The following KCTD2 variants were observed in gnomAD, a reference collection of about 807,000 sequenced individuals.
KCTD2 encodes BTB/POZ domain-containing protein KCTD2.
In KCTD2, 18 loss-of-function variants were observed where a neutral mutation model predicts 27.9. The observed-to-expected ratio is 0.64, with a 90% CI of 0.45 to 0.96. KCTD2 has a LOEUF of 0.96. Among genes scored for constraint, KCTD2 ranks in the 40% least tolerant of loss-of-function variants. The probability of loss-of-function intolerance (pLI) is 0.00; values close to 1 mark genes in which losing one functional copy is unlikely to be tolerated. For synonymous variants in KCTD2, 175 were observed against 148.4 expected, an observed-to-expected ratio of 1.18 and a Z score of -1.30; for missense variants, 280 against 348.0, an observed-to-expected ratio of 0.80 and a Z score of 1.56.
intron 5 of KCTD2, 87 bp from the exon 6 acceptor site, chr17:75,062,931 C>T (rs1234291838): frequency 2.2e-6 from 3 of 1,389,438 alleles, no homozygotes; most frequent in African/African-American, 1.4e-5. Context: ...ACCATCATGC[C>T]ACTCATCGGG....
chr17:75,045,726 T>C (rs2073208320), upstream of KCTD2, among the ~76,000 whole-genome samples: 1 of 152,230 alleles, frequency 6.6e-6, no homozygotes. Flanking sequence ...CCACATTTCA[T>C]ATTGCTCAAA....
At chr17:75,047,867 C>T (rs1176398174) in intron 1 of KCTD2, among the ~76,000 whole-genome samples, 1 of 152,186 alleles carries the variant, frequency 6.6e-6, no homozygotes, top group Admixed American at 6.5e-5. Context: ...AGAACGCACT[C>T]CACACCCCTT....
At chr17:75,054,122 A>G (rs1481876821) in intron 3 of KCTD2, among the ~76,000 whole-genome samples, 1 of 151,374 alleles carries the variant, frequency 6.6e-6, no homozygotes, top group African/African-American at 2.4e-5. Context: ...GGCTCAGGTG[A>G]TTTTCCTACC....
chr17:75,049,819 A>G (rs1567991042), intron 2 of KCTD2, among the ~76,000 whole-genome samples: 1 of 152,150 alleles, frequency 6.6e-6, no homozygotes, highest in Admixed American at 6.6e-5. Context: ...TCTCTAGTTC[A>G]TTGTCAGGTG....
intron 3 of KCTD2, among the ~76,000 whole-genome samples, chr17:75,035,741 G>C (rs1413050496): frequency 6.6e-6 from 1 of 152,164 alleles, no homozygotes; most frequent in African/African-American, 2.4e-5. Context: ...GAGGCAGCAG[G>C]AGAATCGCTT....
At chr17:75,033,212 C>T (rs1307970938) in intron 1 of KCTD2, 1 of 152,056 alleles carries the variant, frequency 6.6e-6, no homozygotes, top group African/African-American at 2.4e-5. Flanking sequence ...CAAGCAATCC[C>T]CCCACCTCAC....
At chr17:75,037,187 A>G (rs1160550495) in intron 3 of KCTD2, among the ~76,000 whole-genome samples, 1 of 152,086 alleles carries the variant, frequency 6.6e-6, no homozygotes, top group Non-Finnish European at 1.5e-5. Context: ...TACTAAAAAT[A>G]CAAAAAATGA....
At chr17:75,058,174 C>T (rs976743663) in intron 3 of KCTD2, among the ~76,000 whole-genome samples, 3 of 151,472 alleles carry the variant, frequency 2.0e-5, no homozygotes, top group Non-Finnish European at 2.9e-5. Context: ...AAATACAAAA[C>T]TTAGCCAAGC....
At chr17:75,056,078 C>A (rs984547751) in intron 3 of KCTD2, among the ~76,000 whole-genome samples, 13 of 152,100 alleles carry the variant, frequency 8.5e-5, no homozygotes, top group African/African-American at 3.1e-4. Context: ...GGATGAATAA[C>A]TGACACTAAT....
intron 4 of KCTD2, chr17:75,060,509 A>G: frequency 1.9e-6 from 3 of 1,612,462 alleles, no homozygotes; most frequent in Non-Finnish European, 2.5e-6. Context: ...CAACAGCGCG[A>G]CAGCCAAGAC....
At chr17:75,039,349 C>T (rs1598684816) in intron 3 of KCTD2, 1 of 1,275,766 alleles carries the variant, frequency 7.8e-7, no homozygotes, top group Non-Finnish European at 1.1e-6. Flanking sequence ...GGAGTCGTCC[C>T]AGCCCACTCC....
upstream of KCTD2, among the ~76,000 whole-genome samples, chr17:75,045,251 T>C (rs940047855): frequency 1.3e-5 from 2 of 152,020 alleles, no homozygotes; most frequent in African/African-American, 4.8e-5. Context: ...GGTAATAGAA[T>C]ATCACAAGGC....
At chr17:75,060,735 G>A in intron 4 of KCTD2, 2 of 740,316 alleles carry the variant, frequency 2.7e-6, no homozygotes, top group Non-Finnish European at 2.1e-6. Context: ...TCAACCGCCT[G>A]AGTAAATATG....
chr17:75,050,190 C>T (rs1035431512), intron 2 of KCTD2, among the ~76,000 whole-genome samples: 24 of 152,288 alleles, frequency 1.6e-4, no homozygotes, highest in African/African-American at 5.8e-4. Flanking sequence ...TCAACAATTA[C>T]CAACTCATGG....
intron 4 of KCTD2, among the ~76,000 whole-genome samples, chr17:75,060,135 G>T (rs2073389142): frequency 1.3e-5 from 2 of 152,290 alleles, no homozygotes; most frequent in South Asian, 4.1e-4. Context: ...AGCTATGACA[G>T]TTGGAGCTTC....
chr17:75,033,991 C>G (rs1207006829), intron 1 of KCTD2: 1 of 152,146 alleles, frequency 6.6e-6, no homozygotes, highest in Non-Finnish European at 1.5e-5. Flanking sequence ...GGTGAAAGTT[C>G]CTTTTACGGA....
At chr17:75,059,319 C>G in intron 3 of KCTD2, 191 bp from the exon 4 acceptor site, 1 of 401,860 alleles carries the variant, frequency 2.5e-6, no homozygotes, top group East Asian at 3.6e-5. Flanking sequence ...AAAAGAAAAA[C>G]ATTTTTTAAA....
chr17:75,037,719 T>A (rs2073117618), intron 3 of KCTD2, among the ~76,000 whole-genome samples: 1 of 152,162 alleles, frequency 6.6e-6, no homozygotes, highest in Admixed American at 6.6e-5. Context: ...CTAACCATAG[T>A]AAATAGTGGG....
chr17:75,045,454 G>C (rs1598692360), upstream of KCTD2, among the ~76,000 whole-genome samples: 1 of 152,192 alleles, frequency 6.6e-6, no homozygotes, highest in Non-Finnish European at 1.5e-5. Context: ...TGGGAGACTG[G>C]AGTTTATTTC....
Sources: allele counts gnomAD v4.1 joint callset (sites outside exome capture counted in the v4.1 genomes callset), GRCh38; gene constraint gnomAD v4.1.1; transcripts MANE v1.5; gene names NCBI Gene and HGNC (gene_info 2026-07-23, HGNC 2026-07-21).